Variants in HDAC8 observed in about 807,000 individuals in gnomAD.
HDAC8 encodes the protein histone deacetylase-like 1.
HDAC8 carries 1 observed loss-of-function variant against 32.2 expected under a neutral mutation model. The ratio of observed to expected loss-of-function variants is 0.03; its 90% confidence interval spans 0.01 to 0.15. The LOEUF (loss-of-function observed/expected upper bound fraction) is 0.15. HDAC8 is among the 10% of genes least tolerant of loss of function. The pLI, the probability that HDAC8 is intolerant of heterozygous loss-of-function variation, is 1.00. For synonymous variants in HDAC8, 108 were observed against 113.9 expected (o/e 0.95, Z 0.33); for missense variants, 117 against 300.0 (o/e 0.39, Z 4.51).
At chrX:72,439,978 T>C (rs2047075038) in intron 9 of HDAC8, among the ~76,000 whole-genome samples, 1 of 112,126 alleles carries the variant, frequency 8.9e-6, no homozygotes, top group Admixed American at 9.4e-5. Context: ...GTGGATCTAA[T>C]AGACATCTAC....
chrX:72,548,175 TC>T (rs2050926397), intron 4 of HDAC8, among the ~76,000 whole-genome samples: 1 of 111,854 alleles, frequency 8.9e-6, no homozygotes, highest in Admixed American at 9.5e-5. Flanking sequence ...TTTCAGTGGC[TC>T]CCCATTTCCT....
chrX:72,570,916 T>C (rs2052007712), intron 2 of HDAC8, among the ~76,000 whole-genome samples: 1 of 110,266 alleles, frequency 9.1e-6, no homozygotes, highest in Non-Finnish European at 1.9e-5. Context: ...GCAGTTTTCT[T>C]TGGTCTTTTT....
At chrX:72,397,058 G>A (rs2045784345) in intron 9 of HDAC8, among the ~76,000 whole-genome samples, 1 of 110,714 alleles carries the variant, frequency 9.0e-6, no homozygotes, top group Non-Finnish European at 1.9e-5. Context: ...CAAATGGGGG[G>A]CTGGCACATC....
At chrX:72,554,995 A>C (rs2051234555) in intron 4 of HDAC8, among the ~76,000 whole-genome samples, 2 of 111,721 alleles carry the variant, frequency 1.8e-5, no homozygotes, top group Non-Finnish European at 3.8e-5. Context: ...AGAAAAACAC[A>C]ACTAAGGACC....
chrX:72,497,887 T>A (rs919250508), intron 4 of HDAC8, among the ~76,000 whole-genome samples: 3 of 111,610 alleles, frequency 2.7e-5, no homozygotes, highest in Non-Finnish European at 5.6e-5. Flanking sequence ...TTACTACATA[T>A]AATTTTGTAT....
At chrX:72,550,192 G>T (rs1470459717) in intron 4 of HDAC8, among the ~76,000 whole-genome samples, 2 of 111,453 alleles carry the variant, frequency 1.8e-5, no homozygotes, top group Admixed American at 1.9e-4. Flanking sequence ...ACCAAAGAAG[G>T]TTAAGAACCA....
intron 9 of HDAC8, among the ~76,000 whole-genome samples, chrX:72,388,679 C>T (rs941901132): frequency 3.6e-5 from 4 of 110,657 alleles, no homozygotes; most frequent in Admixed American, 1.9e-4. Context: ...CCAATTCACA[C>T]GTTGAAGCCC....
At chrX:72,527,861 C>T (rs782167178) in intron 4 of HDAC8, among the ~76,000 whole-genome samples, 8 of 105,870 alleles carry the variant, frequency 7.6e-5, no homozygotes, top group African/African-American at 1.7e-4. Flanking sequence ...CTGCAACCTC[C>T]GCCTCCTGGG....
At chrX:72,557,499 A>C (rs2051322761) in intron 4 of HDAC8, among the ~76,000 whole-genome samples, 1 of 112,040 alleles carries the variant, frequency 8.9e-6, no homozygotes. Flanking sequence ...AAATCAAGAC[A>C]AAAGTTAAAA....
intron 4 of HDAC8, among the ~76,000 whole-genome samples, chrX:72,533,402 C>T (rs989474141): frequency 9.0e-6 from 1 of 111,507 alleles, no homozygotes; most frequent in Admixed American, 9.6e-5. Flanking sequence ...AAAGCCCAGG[C>T]CCAGATGGCT....
chrX:72,396,375 A>G, intron 9 of HDAC8, among the ~76,000 whole-genome samples: 1 of 112,343 alleles, frequency 8.9e-6, no homozygotes, highest in East Asian at 2.8e-4. Flanking sequence ...CTTTGGCTCA[A>G]TGGGGTGTAA....
rs1399765994 is a variant in HDAC8, at chrX:72,445,402, T to C, written c.1005+16602A>G. 1.3e-3 allele frequency among the ~76,000 whole-genome samples: 145 copies of C among 111,937 alleles called. 2 individuals are homozygous for C. Among genetic ancestry groups the C allele is most frequent in the African/African-American group, 4.3e-3 (131 of 30,781 alleles). On this transcript the variant is annotated intron_variant, in intron 9 of 10. Transcript: ENST00000373573. The stretch of plus-strand genomic sequence containing the variant: ...CGCATATCTACAACTATCTGATCTT[T>C]GACAAACCTGACAAAAACAAGCAAT...
intron 9 of HDAC8, among the ~76,000 whole-genome samples, chrX:72,409,228 C>G (rs2046127901): frequency 8.9e-6 from 1 of 112,273 alleles, no homozygotes; most frequent in African/African-American, 3.2e-5. Context: ...TCTAATTAGA[C>G]TCCTAACACT....
chrX:72,569,623 AC>A lies in HDAC8; in HGVS notation c.165-740del, dbSNP rs782174825. Among the ~76,000 whole-genome samples the A allele has an allele frequency of 1.8e-3, 207 of 112,331 alleles. 1 individual carries two copies. Among genetic ancestry groups the A allele is most frequent in the African/African-American group, 6.4e-3 (198 of 30,913 alleles). ...GGCAAAATGGTTGGAACCGGACTTC[AC>A]TCAGAACCTCTCAACCTACTCCTCA... On this transcript the variant is annotated intron_variant, in intron 2 of 10. Coordinates refer to ENST00000373573, the MANE Select transcript of HDAC8 (RefSeq NM_018486.3).
chrX:72,385,112 A>G (rs1165430103), intron 9 of HDAC8, among the ~76,000 whole-genome samples: 1 of 111,585 alleles, frequency 9.0e-6, no homozygotes, highest in Non-Finnish European at 1.9e-5. Flanking sequence ...TCCATTAAAA[A>G]TTGCATTTAT....
In HDAC8 at chrX:72,572,232, C is replaced by T. The variant is rs139751091; in HGVS notation, c.112-123G>A. On this transcript the variant is annotated intron_variant, in intron 1 of 10. Coordinates refer to ENST00000373573, the MANE Select transcript of HDAC8 (RefSeq NM_018486.3). ...AAGGAACGGATTAATTTTGTTTCAA[C>T]TGGCTTCCCTTCTGTTAACAGTTAC... 2,116 of 626,305 alleles carry T rather than the reference C, an allele frequency of 3.4e-3. 25 individuals carry two copies. Among genetic ancestry groups the T allele is most frequent in the East Asian group, 0.03 (796 of 26,923 alleles). 51.6% of individuals were successfully genotyped at this position (626,305 alleles called of 1,213,427 possible).
At chrX:72,547,770 G>A (rs1282553511) in intron 4 of HDAC8, among the ~76,000 whole-genome samples, 2 of 111,689 alleles carry the variant, frequency 1.8e-5, no homozygotes, top group African/African-American at 3.3e-5. Context: ...ACTGCTTAGT[G>A]TTCCTCTGAG....
intron 9 of HDAC8, among the ~76,000 whole-genome samples, chrX:72,375,457 G>A (rs549283951): frequency 2.7e-5 from 3 of 110,499 alleles, no homozygotes; most frequent in Admixed American, 9.7e-5. Context: ...AAATGATGGT[G>A]TAAGTTCTAG....
intron 9 of HDAC8, among the ~76,000 whole-genome samples, chrX:72,422,045 T>TATGTG (rs781893369): frequency 0.026 from 2,873 of 111,833 alleles, 87 homozygotes; most frequent in African/African-American, 0.088. Flanking sequence ...GAATCCCTTG[T>TATGTG]ATGTGATGAG....
Sources: allele counts gnomAD v4.1 joint callset (sites outside exome capture counted in the v4.1 genomes callset), GRCh38; gene constraint gnomAD v4.1.1; transcripts MANE v1.5; gene names NCBI Gene and HGNC (gene_info 2026-07-23, HGNC 2026-07-21).